Variants in CLEC4A observed in about 807,000 individuals in gnomAD.
The protein encoded by CLEC4A is C-type lectin domain family 4 member A.
In CLEC4A, 27 loss-of-function variants were observed where a neutral mutation model predicts 32.7. The ratio of observed to expected loss-of-function variants is 0.83; its 90% CI spans 0.61 to 1.14. The LOEUF (loss-of-function observed/expected upper bound fraction) is 1.14, where lower values mean the gene tolerates loss of function less well. CLEC4A is among the 50% of genes most tolerant of loss of function. The pLI, the probability that CLEC4A is intolerant of heterozygous loss-of-function variation, is 0.00. For missense variants in CLEC4A, 253 were observed against 274.6 expected, an observed-to-expected ratio of 0.92 and a Z score of 0.55; for synonymous variants, 89 against 93.7, an observed-to-expected ratio of 0.95 and a Z score of 0.29.
At chr12:8,112,543 A>G in the CLEC4A span, among the ~76,000 whole-genome samples, 13 of 151,992 alleles carry the variant, frequency 8.6e-5, no homozygotes, top group African/African-American at 2.7e-4. Flanking sequence ...TTCTCTTACT[A>G]CAGTGAGATT....
Position 8,135,714 on chromosome 12 carries a change from T to C in CLEC4A, c.428T>C (p.Val143Ala). 1 of 1,614,126 alleles carries C rather than the reference T, an allele frequency of 6.2e-7. No individual in the cohort carries two copies. The highest frequency in any genetic ancestry group is 2.2e-5 in the East Asian group (1 of 44,890). The change falls in exon 4 of 6, where the codon GTG (valine) becomes GCG (alanine). Residue 143 changes from valine (V) to alanine (A), a missense_variant. Val to Ala is a moderately conservative substitution (Grantham distance 64). Transcript: ENST00000229332. ...GCTAGAATGGAGGCTCACCTGCTGG[T>C]GATAAACACTCAAGAAGAGCAGGTA... ...DCARMEAHLL[V>A]INTQEEQDFI...
At chr12:8,109,594 T>C in the CLEC4A span, among the ~76,000 whole-genome samples, 1 of 152,336 alleles carries the variant, frequency 6.6e-6, no homozygotes. Flanking sequence ...CTCACTTCTG[T>C]AATGCCAGTG....
At chr12:8,104,661 A>T in the CLEC4A span, among the ~76,000 whole-genome samples, 1 of 152,142 alleles carries the variant, frequency 6.6e-6, no homozygotes, top group Admixed American at 6.5e-5. Flanking sequence ...TTGGATATAC[A>T]GATTATTTTG....
chr12:8,111,188 T>A, the CLEC4A span, among the ~76,000 whole-genome samples: 1 of 144,650 alleles, frequency 6.9e-6, no homozygotes, highest in African/African-American at 2.6e-5. Context: ...CTTTTTTTTT[T>A]TTTTTTTTTT....
At chr12:8,129,163 A>G in intron 2 of CLEC4A, 101 bp from the exon 3 acceptor site, 1 of 704,940 alleles carries the variant, frequency 1.4e-6, no homozygotes, top group South Asian at 1.8e-5. Flanking sequence ...GTAATAGGGC[A>G]TTTGTAAGTT....
chr12:8,122,500 G>T (rs1019404790), upstream of CLEC4A, among the ~76,000 whole-genome samples: 1 of 151,734 alleles, frequency 6.6e-6, no homozygotes, highest in African/African-American at 2.4e-5. Context: ...CCCTTTGCCG[G>T]CACTCTCAGA....
chr12:8,111,488 A>G, the CLEC4A span, among the ~76,000 whole-genome samples: 2 of 152,146 alleles, frequency 1.3e-5, no homozygotes, highest in African/African-American at 2.4e-5. Flanking sequence ...CCTTCTAGAC[A>G]TTTTTTAAAG....
intron 2 of CLEC4A, among the ~76,000 whole-genome samples, chr12:8,126,371 A>ATTTTTTTT (rs55729993): frequency 2.6e-5 from 3 of 115,694 alleles, no homozygotes; most frequent in Non-Finnish European, 5.4e-5. Context: ...TGCTCAGCTA[A>ATTTTTTTT]TTTTTTTTTT....
intron 1 of CLEC4A, among the ~76,000 whole-genome samples, 188 bp downstream of exon 1, chr12:8,124,148 A>G (rs772246705): frequency 2.0e-5 from 3 of 152,324 alleles, no homozygotes; most frequent in South Asian, 4.1e-4. Context: ...ATTGTGGAGA[A>G]GAAAAGATTT....
the CLEC4A span, among the ~76,000 whole-genome samples, chr12:8,116,410 G>A: frequency 6.6e-6 from 1 of 152,068 alleles, no homozygotes; most frequent in Non-Finnish European, 1.5e-5. Context: ...CCGTTAATAG[G>A]TATACATTAA....
chr12:8,103,431 G>GGCT, the CLEC4A span, among the ~76,000 whole-genome samples: 1 of 123,140 alleles, frequency 8.1e-6, no homozygotes. Context: ...CTGTCGCCCA[G>GGCT]GCTGGAGGGC....
Position 8,135,610 on chromosome 12 carries a change from G to T in CLEC4A, c.324G>T (p.Lys108Asn), listed in dbSNP as rs775573051. ...AGACAGCCTGGAGCTGTTGCCCAAA[G>T]AATTGGAAGTCATTTAGTTCCAACT... ...VEETAWSCCPKNWKSFSSNCY... is the reference protein window; with the variant it reads ...VEETAWSCCPNNWKSFSSNCY... The change falls in exon 4 of 6, where the codon AAG becomes AAT. Residue 108 changes from lysine to asparagine, a missense_variant. Lys to Asn is a moderately conservative substitution (Grantham distance 94, BLOSUM62 0). Transcript: ENST00000229332. 2 of 1,614,172 alleles carry T rather than the reference G, an allele frequency of 1.2e-6. No individual in the cohort carries two copies. The highest frequency in any genetic ancestry group is 8.5e-7 in the Non-Finnish European group (1 of 1,180,006).
chr12:8,113,982 G>C, the CLEC4A span, among the ~76,000 whole-genome samples: 1 of 152,160 alleles, frequency 6.6e-6, no homozygotes, highest in Admixed American at 6.5e-5. Flanking sequence ...GGTTTGTTCT[G>C]TACAGGGGGC....
At chr12:8,128,983 C>T (rs1947947154) in intron 2 of CLEC4A, among the ~76,000 whole-genome samples, 1 of 152,082 alleles carries the variant, frequency 6.6e-6, no homozygotes, top group Non-Finnish European at 1.5e-5. Flanking sequence ...TCCCCCCACC[C>T]CCAAGAGTTA....
At chr12:8,125,712 G>T in intron 2 of CLEC4A, 35 bp downstream of exon 2, 1 of 1,242,124 alleles carries the variant, frequency 8.1e-7, no homozygotes, top group Non-Finnish European at 1.2e-6. Context: ...AGCAATATCT[G>T]CTGTCCATGA....
chr12:8,137,932 A>G (rs902593829), intron 5 of CLEC4A, among the ~76,000 whole-genome samples: 9 of 152,194 alleles, frequency 5.9e-5, no homozygotes, highest in Non-Finnish European at 8.8e-5. Flanking sequence ...AGTAAGGTAG[A>G]GAACATTGAG....
the CLEC4A span, among the ~76,000 whole-genome samples, chr12:8,113,922 A>G: frequency 6.6e-6 from 1 of 152,174 alleles, no homozygotes; most frequent in Non-Finnish European, 1.5e-5. Flanking sequence ...GCTTCCTTCC[A>G]TCATTGGATC....
chr12:8,136,672 G>A (rs1948122236), intron 4 of CLEC4A, 116 bp from the exon 5 acceptor site: 1 of 622,030 alleles, frequency 1.6e-6, no homozygotes, highest in African/African-American at 1.8e-5. Flanking sequence ...CCTACGTAGA[G>A]CTCTAATGCA....
upstream of CLEC4A, chr12:8,121,417 A>G (rs1416439041): frequency 1.3e-5 from 2 of 152,056 alleles, no homozygotes; most frequent in African/African-American, 2.4e-5. Flanking sequence ...CCCTTTTCTT[A>G]CTAAATAATT....
Sources: gnomAD v4.1 joint callset for allele counts (sites outside exome capture counted in the v4.1 genomes callset) on GRCh38, gnomAD v4.1.1 for gene constraint, MANE v1.5 for transcripts, NCBI Gene and HGNC (gene_info 2026-07-23, HGNC 2026-07-21) for gene names.